The following SHISA9 variants were observed in gnomAD, a reference collection of about 807,000 sequenced individuals.
SHISA9 encodes the protein shisa family member 9, also known as protein shisa-9.
In SHISA9, 13 loss-of-function variants were observed where a neutral mutation model predicts 38.0. The observed-to-expected ratio is 0.34, with a 90% CI of 0.22 to 0.54. The LOEUF is 0.54. Among genes scored for constraint, SHISA9 ranks in the 20% least tolerant of loss-of-function variants. SHISA9 has a pLI of 0.91. For missense variants in SHISA9, 538 were observed against 575.8 expected (o/e 0.93, Z 0.67); for synonymous variants, 275 against 242.0 (o/e 1.14, Z -1.27).
At chr16:13,419,317 C>A in the SHISA9 span, among the ~76,000 whole-genome samples, 1 of 152,158 alleles carries the variant, frequency 6.6e-6, no homozygotes, top group Non-Finnish European at 1.5e-5. Flanking sequence ...CAGCGGGCCT[C>A]CTGGAAGCTG....
the SHISA9 span, among the ~76,000 whole-genome samples, chr16:13,418,903 G>A: frequency 6.6e-6 from 1 of 152,206 alleles, no homozygotes; most frequent in Non-Finnish European, 1.5e-5. Context: ...ACCTTCCTTA[G>A]TGACCACAGC....
At chr16:13,492,346 C>T in the SHISA9 span, among the ~76,000 whole-genome samples, 4 of 152,118 alleles carry the variant, frequency 2.6e-5, no homozygotes, top group African/African-American at 7.2e-5. Flanking sequence ...GTGAGGTTAA[C>T]GGTGTTCTTG....
At chr16:13,440,434 A>C in the SHISA9 span, among the ~76,000 whole-genome samples, 1 of 152,192 alleles carries the variant, frequency 6.6e-6, no homozygotes, top group Non-Finnish European at 1.5e-5. Flanking sequence ...CGTTTATTGA[A>C]GGGGGAGAAG....
chr16:13,294,135 T>G, the SHISA9 span, among the ~76,000 whole-genome samples: 1 of 152,212 alleles, frequency 6.6e-6, no homozygotes, highest in Non-Finnish European at 1.5e-5. Context: ...AATATCCTGC[T>G]TGGTCATTGG....
At chr16:13,155,959 G>A (rs2050542988) in intron 2 of SHISA9, among the ~76,000 whole-genome samples, 1 of 152,212 alleles carries the variant, frequency 6.6e-6, no homozygotes, top group Admixed American at 6.5e-5. Context: ...TGTGTTTGCG[G>A]GGATGCCAAA....
At chr16:13,257,538 C>G in the SHISA9 span, among the ~76,000 whole-genome samples, 26 of 152,184 alleles carry the variant, frequency 1.7e-4, no homozygotes, top group Admixed American at 1.2e-3. Context: ...GAGGCTTTAC[C>G]TTTTCAATAA....
intron 2 of SHISA9, among the ~76,000 whole-genome samples, chr16:13,122,079 A>G (rs1309932655): frequency 1.3e-5 from 2 of 152,220 alleles, no homozygotes; most frequent in Admixed American, 6.5e-5. Context: ...AGCCCATTGC[A>G]GGAGTCCATT....
At chr16:13,132,477 C>T (rs1271248025) in intron 2 of SHISA9, among the ~76,000 whole-genome samples, 1 of 152,102 alleles carries the variant, frequency 6.6e-6, no homozygotes, top group Non-Finnish European at 1.5e-5. Context: ...CTGGATAATT[C>T]TTTGCTGTGG....
chr16:13,262,658 A>AAGGAAGGGAGGGAGGGAGGGAGGGAGGG, the SHISA9 span, among the ~76,000 whole-genome samples: 6 of 51,840 alleles, frequency 1.2e-4, no homozygotes, highest in Non-Finnish European at 1.8e-4. Flanking sequence ...GGAAGGAAGG[A>AAGGAAGGGAGGGAGGGAGGGAGGGAGGG]AGGAAGGAAG....
At chr16:13,409,422 C>T in the SHISA9 span, among the ~76,000 whole-genome samples, 2,086 of 152,356 alleles carry the variant, frequency 0.014, 46 homozygotes, top group African/African-American at 0.048. Context: ...CTTAAGCCAT[C>T]TGCAGACAGC....
At chr16:13,262,167 G>T in the SHISA9 span, among the ~76,000 whole-genome samples, 16 of 152,234 alleles carry the variant, frequency 1.1e-4, no homozygotes, top group African/African-American at 3.9e-4. Context: ...AAAACAACAG[G>T]TTGTCAATCC....
intron 2 of SHISA9, among the ~76,000 whole-genome samples, chr16:13,116,690 C>T (rs2074033740): frequency 6.6e-6 from 1 of 152,084 alleles, no homozygotes; most frequent in South Asian, 2.1e-4. Context: ...TCCTGGGTTC[C>T]AATTGCTAAT....
At chr16:13,047,370 G>T (rs1459649928) in intron 2 of SHISA9, among the ~76,000 whole-genome samples, 6 of 152,048 alleles carry the variant, frequency 3.9e-5, no homozygotes, top group Non-Finnish European at 8.8e-5. Flanking sequence ...GCCTTTAGGG[G>T]CAGGGGCAGG....
In SHISA9 at chr16:12,965,566, CA is replaced by C. The variant is rs376441657; in HGVS notation, c.691+48757del. 8.1e-3 allele frequency among the ~76,000 whole-genome samples: 1,237 copies of C among 152,256 alleles called. 15 individuals are homozygous for C. The highest frequency in any genetic ancestry group is 0.028 in the African/African-American group (1,146 of 41,548). ...ATGAACAAACCCTGAATTACTCAGGCAAAAAATTAATGGGTCTGGCTAGCTT... is the reference window on the plus strand; with the variant it reads ...ATGAACAAACCCTGAATTACTCAGGCAAAAATTAATGGGTCTGGCTAGCTT... On this transcript the variant is annotated intron_variant, in intron 2 of 4. Transcript: ENST00000558583.
chr16:12,924,107 A>G lies in SHISA9; in HGVS notation c.691+7292A>G, dbSNP rs138466071. ...CCAGTCAGTGGTCTGGCTTCAGTCA[A>G]TGGATCAGTGGTCTGACCCTGCTTC... On this transcript the variant is annotated intron_variant, in intron 2 of 4. Transcript: ENST00000558583. Among the ~76,000 whole-genome samples the G allele has an allele frequency of 6.3e-3, 960 of 152,298 alleles. 18 individuals are homozygous for G. Among genetic ancestry groups the G allele is most frequent in the African/African-American group, 0.021 (891 of 41,570 alleles).
At chr16:13,127,374 AAGAG>A (rs1301795733) in intron 2 of SHISA9, among the ~76,000 whole-genome samples, 1 of 114,006 alleles carries the variant, frequency 8.8e-6, no homozygotes, top group South Asian at 3.6e-4. Flanking sequence ...GGAGAGAGAA[AAGAG>A]AGGGAGGGAG....
the SHISA9 span, among the ~76,000 whole-genome samples, chr16:13,426,405 G>T: frequency 6.6e-6 from 1 of 152,068 alleles, no homozygotes; most frequent in African/African-American, 2.4e-5. Flanking sequence ...ACTCCAAAAG[G>T]AGTTCTCCCA....
intron 2 of SHISA9, among the ~76,000 whole-genome samples, chr16:13,059,011 T>C (rs1030421569): frequency 6.6e-6 from 1 of 152,076 alleles, no homozygotes; most frequent in African/African-American, 2.4e-5. Context: ...CTTAGAATAA[T>C]TAGGAATTGA....
the SHISA9 span, among the ~76,000 whole-genome samples, chr16:13,434,126 C>T: frequency 6.6e-6 from 1 of 152,068 alleles, no homozygotes. Flanking sequence ...ACCTGGAGTC[C>T]AATGTTCAAA....
Sources: allele counts gnomAD v4.1 joint callset (sites outside exome capture counted in the v4.1 genomes callset), GRCh38; gene constraint gnomAD v4.1.1; transcripts MANE v1.5; gene names NCBI Gene and HGNC (gene_info 2026-07-23, HGNC 2026-07-21).